KCND3: variants seen among roughly 807,000 people sequenced by gnomAD.
KCND3 encodes the protein A-type voltage-gated potassium channel KCND3.
A neutral mutation model predicts 51.1 loss-of-function variants in KCND3; 9 were observed. That is an observed-to-expected ratio of 0.18 (90% CI 0.11 to 0.31). The LOEUF is 0.31. KCND3 is among the 10% of genes least tolerant of loss of function. The pLI, the probability that KCND3 is intolerant of heterozygous loss-of-function variation, is 1.00. For missense variants in KCND3, 526 were observed against 903.8 expected (o/e 0.58, Z 5.36); for synonymous variants, 349 against 368.0 (o/e 0.95, Z 0.59).
Position 111,903,634 on chromosome 1 carries a change from T to C in KCND3, c.1106+77987A>G, listed in dbSNP as rs116688493. Among the ~76,000 whole-genome samples, 557 of 152,364 alleles carry C rather than the reference T, an allele frequency of 3.7e-3. 2 individuals are homozygous for C. The highest frequency in any genetic ancestry group is 0.013 in the African/African-American group (530 of 41,592). On this transcript the variant is annotated intron_variant, in intron 2 of 7. Transcript: ENST00000302127. ...CTTGCACTGAAGCCCTCACCTGGCATTGGTGACATCTCTGAAAGAATGCCA... is the reference window on the plus strand; with the variant it reads ...CTTGCACTGAAGCCCTCACCTGGCACTGGTGACATCTCTGAAAGAATGCCA...
At chr1:111,840,158 T>C (rs1667261599) in intron 2 of KCND3, among the ~76,000 whole-genome samples, 1 of 152,150 alleles carries the variant, frequency 6.6e-6, no homozygotes. Flanking sequence ...CTAATCCCAT[T>C]CATGAGACGT....
chr1:111,822,900 T>C (rs1347356964), intron 2 of KCND3, among the ~76,000 whole-genome samples: 1 of 152,252 alleles, frequency 6.6e-6, no homozygotes, highest in Non-Finnish European at 1.5e-5. Context: ...CTAAGAACTT[T>C]ATGTCATCTT....
At chr1:111,866,562 A>G (rs1477204070) in intron 2 of KCND3, among the ~76,000 whole-genome samples, 1 of 137,884 alleles carries the variant, frequency 7.3e-6, no homozygotes, top group Non-Finnish European at 1.6e-5. Flanking sequence ...ACTGTGCCTG[A>G]CCTGTTTGTT....
Position 111,868,170 on chromosome 1 carries a change from T to C in KCND3, c.1107-81064A>G, listed in dbSNP as rs1207392368. ...ATGACAAAAATCCAGAAATAGACAA[T>C]TCATAAGTTTTAAGTCGTGGGCTGC... On this transcript the variant is annotated intron_variant, in intron 2 of 7. Transcript: ENST00000302127. Among the ~76,000 whole-genome samples the C allele has an allele frequency of 2.6e-5, 4 of 152,086 alleles. No homozygotes were observed. In the East Asian group the frequency reaches 7.7e-4, roughly 29 times the overall value.
chr1:111,958,596 C>T (rs528449941), intron 2 of KCND3, among the ~76,000 whole-genome samples: 6 of 152,352 alleles, frequency 3.9e-5, no homozygotes, highest in South Asian at 4.1e-4. Flanking sequence ...CTCCACTCTT[C>T]GTGCTCCCCA....
At position 111,780,360 on chromosome 1, in the gene KCND3, C is replaced by G; in HGVS notation, c.1372-46G>C. Reference sequence around the variant, plus strand: ...ATTGAGTAAAAAGCTGGTGGCTCTTCCCCTCTCCAGCTCCTTCATTTCTCC... The same window carrying G: ...ATTGAGTAAAAAGCTGGTGGCTCTTGCCCTCTCCAGCTCCTTCATTTCTCC... On this transcript the variant is annotated intron_variant, in intron 4 of 7. Transcript: ENST00000302127. The surrounding 1 kb of genome is among the most constrained non-coding windows in gnomAD (Gnocchi z 4.2). The G allele has an allele frequency of 6.7e-7, 1 of 1,498,960 alleles. No homozygotes were observed. Among genetic ancestry groups the G allele is most frequent in the Non-Finnish European group, 9.1e-7 (1 of 1,098,824 alleles). 92.9% of individuals were successfully genotyped at this position (1,498,960 alleles called of 1,614,324 possible).
At chr1:111,810,451 C>A (rs1215247735) in intron 2 of KCND3, among the ~76,000 whole-genome samples, 1 of 152,230 alleles carries the variant, frequency 6.6e-6, no homozygotes, top group Non-Finnish European at 1.5e-5. Context: ...CCAAAGGTTG[C>A]ACCCAAAGGC....
At chr1:111,848,420 G>T (rs1414547785) in intron 2 of KCND3, among the ~76,000 whole-genome samples, 1 of 152,198 alleles carries the variant, frequency 6.6e-6, no homozygotes, top group Non-Finnish European at 1.5e-5. Context: ...GGGACTAACC[G>T]CTCCTTTCCT....
chr1:111,845,295 C>T (rs1304178407), intron 2 of KCND3, among the ~76,000 whole-genome samples: 2 of 152,204 alleles, frequency 1.3e-5, no homozygotes. Flanking sequence ...GCACACCTCA[C>T]ATTTCTCATA....
intron 2 of KCND3, among the ~76,000 whole-genome samples, chr1:111,977,117 C>T (rs1363592307): frequency 6.6e-6 from 1 of 152,238 alleles, no homozygotes; most frequent in East Asian, 1.9e-4. Flanking sequence ...AGGGGCCCAC[C>T]CCCAAGTAGG....
chr1:111,803,513 C>T (rs1256242087), intron 2 of KCND3, among the ~76,000 whole-genome samples: 1 of 152,076 alleles, frequency 6.6e-6, no homozygotes, highest in Non-Finnish European at 1.5e-5. Context: ...GACACCAAGC[C>T]CCCACATGGA....
At chr1:111,855,216 C>T (rs762651871) in intron 2 of KCND3, among the ~76,000 whole-genome samples, 10 of 152,230 alleles carry the variant, frequency 6.6e-5, no homozygotes, top group Non-Finnish European at 1.5e-4. Flanking sequence ...AAGGCCTGGG[C>T]TGCTTCTCAA....
intron 2 of KCND3, among the ~76,000 whole-genome samples, chr1:111,965,163 C>T (rs1284247257): frequency 6.6e-6 from 1 of 151,712 alleles, no homozygotes; most frequent in East Asian, 1.9e-4. Context: ...CCCAGCAATT[C>T]TCTCTGGATT....
At chr1:111,830,201 TAACA>T (rs1666771735) in intron 2 of KCND3, among the ~76,000 whole-genome samples, 1 of 152,178 alleles carries the variant, frequency 6.6e-6, no homozygotes, top group African/African-American at 2.4e-5. Flanking sequence ...ACATATCAAT[TAACA>T]AACAAATGAA....
At chr1:111,862,107 C>T (rs1324348251) in intron 2 of KCND3, among the ~76,000 whole-genome samples, 1 of 152,180 alleles carries the variant, frequency 6.6e-6, no homozygotes, top group Non-Finnish European at 1.5e-5. Flanking sequence ...GGGAGCAGCC[C>T]CTAGAGACTC....
intron 2 of KCND3, among the ~76,000 whole-genome samples, chr1:111,849,157 G>A (rs1667696543): frequency 6.6e-6 from 1 of 152,188 alleles, no homozygotes. Context: ...TGTATTGATT[G>A]GGCCTGAACA....
At chr1:111,858,137 G>A (rs1451818554) in intron 2 of KCND3, among the ~76,000 whole-genome samples, 3 of 152,146 alleles carry the variant, frequency 2.0e-5, no homozygotes, top group Non-Finnish European at 2.9e-5. Context: ...TGAGAGTCAC[G>A]TAGGCCTCCT....
chr1:111,892,507 C>A (rs976417763), intron 2 of KCND3, among the ~76,000 whole-genome samples: 8 of 152,154 alleles, frequency 5.3e-5, no homozygotes, highest in African/African-American at 1.9e-4. Flanking sequence ...TTCTTGAGTG[C>A]CTACAACTTG....
Position 111,845,794 on chromosome 1 carries a change from T to A in KCND3, c.1107-58688A>T, listed in dbSNP as rs533805869. Among the ~76,000 whole-genome samples the A allele has an allele frequency of 7.2e-5, 11 of 152,336 alleles. No homozygotes were observed. The South Asian group carries it at 2.3e-3, about 32-fold the overall frequency. On this transcript the variant is annotated intron_variant, in intron 2 of 7. Transcript: ENST00000302127. ...AACTAGTAAGTGGCCAGCCTGGGAT[T>A]TGAACCTAGTGAGCCTGGTGCTAGA... is the stretch of plus-strand genomic sequence containing the variant.
Sources: gnomAD v4.1 joint callset for allele counts (sites outside exome capture counted in the v4.1 genomes callset) on GRCh38, gnomAD v4.1.1 for gene constraint, Gnocchi (gnomAD v3.1) non-coding constraint, MANE v1.5 for transcripts, NCBI Gene and HGNC (gene_info 2026-07-23, HGNC 2026-07-21) for gene names.